STK3: variants seen among roughly 807,000 people sequenced by gnomAD.
The protein encoded by STK3 is serine/threonine kinase 3.
Under a neutral mutation model 58.0 loss-of-function variants are expected in STK3, and 41 were observed. The ratio of observed to expected loss-of-function variants is 0.71; its 90% CI spans 0.55 to 0.92. STK3 has a LOEUF of 0.92. Ranked by LOEUF, STK3 falls within the 40% of genes least tolerant of loss-of-function variation. The probability of loss-of-function intolerance (pLI) is 0.00; values close to 1 mark genes in which losing one functional copy is unlikely to be tolerated. For missense variants in STK3, 479 were observed against 602.7 expected, an observed-to-expected ratio of 0.79 and a Z score of 2.15; for synonymous variants, 170 against 191.0, an observed-to-expected ratio of 0.89 and a Z score of 0.91.
At chr8:98,885,057 C>T (rs1837932887) in intron 1 of STK3, among the ~76,000 whole-genome samples, 1 of 152,184 alleles carries the variant, frequency 6.6e-6, no homozygotes, top group African/African-American at 2.4e-5. Flanking sequence ...ACCCTGTTAA[C>T]AATGAGGAAT....
intron 1 of STK3, among the ~76,000 whole-genome samples, chr8:98,442,042 A>G (rs1818715947): frequency 6.6e-6 from 1 of 152,160 alleles, no homozygotes; most frequent in Admixed American, 6.5e-5. Context: ...ATTCCAATAA[A>G]CGGCATCACT....
At chr8:98,751,627 C>T (rs1291789906) in intron 3 of STK3, among the ~76,000 whole-genome samples, 2 of 152,152 alleles carry the variant, frequency 1.3e-5, no homozygotes, top group Non-Finnish European at 2.9e-5. Context: ...AATGGGAAAA[C>T]ATTCCATGCT....
intron 1 of STK3, among the ~76,000 whole-genome samples, chr8:98,825,302 G>C (rs1457855223): frequency 6.6e-6 from 1 of 152,058 alleles, no homozygotes; most frequent in Non-Finnish European, 1.5e-5. Context: ...CAGGCCTGCC[G>C]GCCGCAGGGG....
At chr8:98,507,093 C>G (rs1164628852) in intron 10 of STK3, among the ~76,000 whole-genome samples, 1 of 152,156 alleles carries the variant, frequency 6.6e-6, no homozygotes, top group African/African-American at 2.4e-5. Context: ...AATACAGACC[C>G]CTTTTCTTCT....
intron 4 of STK3, among the ~76,000 whole-genome samples, chr8:98,732,980 A>G (rs1032565825): frequency 6.6e-6 from 1 of 152,236 alleles, no homozygotes; most frequent in Non-Finnish European, 1.5e-5. Flanking sequence ...TGAGTAATTA[A>G]TTGTGAGAAA....
chr8:98,561,098 A>G (rs1013044253), intron 8 of STK3, among the ~76,000 whole-genome samples: 1 of 152,132 alleles, frequency 6.6e-6, no homozygotes, highest in Non-Finnish European at 1.5e-5. Flanking sequence ...AAACTTCTAT[A>G]ACACTACAGT....
intron 1 of STK3, among the ~76,000 whole-genome samples, chr8:98,935,644 T>G (rs1840167945): frequency 6.6e-6 from 1 of 152,176 alleles, no homozygotes; most frequent in South Asian, 2.1e-4. Flanking sequence ...AAAATGAAAA[T>G]GTAGACATTT....
intron 3 of STK3, among the ~76,000 whole-genome samples, chr8:98,857,450 C>T (rs778540840): frequency 6.6e-6 from 1 of 152,010 alleles, no homozygotes; most frequent in Non-Finnish European, 1.5e-5. Context: ...AATCTATGCA[C>T]AAGAACAGCA....
chr8:98,586,154 A>T (rs1412180136), intron 7 of STK3, among the ~76,000 whole-genome samples: 2 of 151,640 alleles, frequency 1.3e-5, no homozygotes, highest in African/African-American at 4.8e-5. Flanking sequence ...GTGGTGAGAG[A>T]GGGCATCCCT....
intron 3 of STK3, 39 bp from the exon 4 acceptor site, chr8:98,749,429 C>G (rs1380837114): frequency 4.0e-6 from 5 of 1,241,706 alleles, no homozygotes; most frequent in Non-Finnish European, 5.6e-6. Flanking sequence ...TTAGTTAATT[C>G]CCAAAGAAAT....
At chr8:98,612,363 T>A (rs543587727) in intron 6 of STK3, among the ~76,000 whole-genome samples, 7 of 149,980 alleles carry the variant, frequency 4.7e-5, no homozygotes, top group African/African-American at 1.7e-4. Context: ...TCAAGACCAG[T>A]TCAAGACCAC....
chr8:98,569,666 A>G (rs1563749910), intron 8 of STK3, among the ~76,000 whole-genome samples: 1 of 152,032 alleles, frequency 6.6e-6, no homozygotes. Context: ...AAAAGAAATA[A>G]CATGTAATGA....
At chr8:98,874,521 A>T (rs1587785802) in intron 3 of STK3, among the ~76,000 whole-genome samples, 1 of 152,298 alleles carries the variant, frequency 6.6e-6, no homozygotes, top group East Asian at 1.9e-4. Context: ...GGCCAACTCA[A>T]ATGGATAGTC....
intron 6 of STK3, among the ~76,000 whole-genome samples, chr8:98,620,979 G>C (rs1818255691): frequency 6.7e-6 from 1 of 148,462 alleles, no homozygotes; most frequent in South Asian, 2.1e-4. Context: ...GCCCAGGCTG[G>C]AGTGCAGTGG....
chr8:98,842,857 A>T (rs1836049267), intron 3 of STK3, among the ~76,000 whole-genome samples: 1 of 152,014 alleles, frequency 6.6e-6, no homozygotes. Flanking sequence ...TACAAAAAAA[A>T]TTAGCTAGGC....
intron 3 of STK3, chr8:98,429,045 G>A (rs769042324): frequency 1.2e-6 from 2 of 1,613,348 alleles, no homozygotes; most frequent in Non-Finnish European, 1.7e-6. Context: ...GGAGGAGAAC[G>A]AGGGCCTGGC....
intron 7 of STK3, chr8:98,595,353 A>G (rs2187484): frequency 1.9e-3 from 292 of 151,050 alleles, no homozygotes; most frequent in African/African-American, 6.8e-3. Context: ...CTTTAGAGAC[A>G]GGGAAGTCCC....
At chr8:98,416,644 T>C (rs1818117780) in intron 3 of STK3, among the ~76,000 whole-genome samples, 1 of 152,190 alleles carries the variant, frequency 6.6e-6, no homozygotes, top group African/African-American at 2.4e-5. Context: ...TCTACCACGA[T>C]AAAAATACCT....
At chr8:98,838,672 T>A (rs1039313662) in intron 3 of STK3, among the ~76,000 whole-genome samples, 2 of 152,158 alleles carry the variant, frequency 1.3e-5, no homozygotes, top group African/African-American at 2.4e-5. Flanking sequence ...AAATTTTTAC[T>A]AAAAATCTCA....
Sources: gnomAD v4.1 joint callset for allele counts (sites outside exome capture counted in the v4.1 genomes callset) on GRCh38, gnomAD v4.1.1 for gene constraint, MANE v1.5 for transcripts, NCBI Gene and HGNC (gene_info 2026-07-23, HGNC 2026-07-21) for gene names.